Variants in CAPN14 observed in about 807,000 individuals in gnomAD.
The protein encoded by CAPN14 is calpain-14.
Under a neutral mutation model 101.3 loss-of-function variants are expected in CAPN14, and 94 were observed. The observed-to-expected ratio is 0.93, with a 90% CI of 0.79 to 1.10. The LOEUF (loss-of-function observed/expected upper bound fraction) is 1.10. Ranked by LOEUF, CAPN14 falls within the 50% of genes least tolerant of loss-of-function variation. CAPN14 has a pLI of 0.00. For missense variants in CAPN14, 837 were observed against 828.4 expected, an observed-to-expected ratio of 1.01 and a Z score of -0.13; for synonymous variants, 338 against 317.9, an observed-to-expected ratio of 1.06 and a Z score of -0.67.
intron 16 of CAPN14, 113 bp from the exon 17 acceptor site, chr2:31,181,113 C>T (rs915293019): frequency 1.2e-5 from 9 of 781,564 alleles, no homozygotes; most frequent in African/African-American, 1.0e-4. Context: ...CATGTATGTA[C>T]GTGGGCTGGG....
intron 1 of CAPN14, among the ~76,000 whole-genome samples, chr2:31,211,789 A>G (rs1255260196): frequency 6.6e-6 from 1 of 152,148 alleles, no homozygotes; most frequent in African/African-American, 2.4e-5. Context: ...AGACTGTTCT[A>G]TATTTTTGGA....
intron 1 of CAPN14, among the ~76,000 whole-genome samples, 165 bp downstream of exon 1, chr2:31,217,291 A>T (rs1682693976): frequency 6.6e-6 from 1 of 152,072 alleles, no homozygotes; most frequent in Non-Finnish European, 1.5e-5. Flanking sequence ...CTGAGGACAA[A>T]ATTGAAATCT....
chr2:31,191,827 C>A, intron 11 of CAPN14, 108 bp downstream of exon 11: 1 of 1,130,284 alleles, frequency 8.8e-7, no homozygotes, highest in South Asian at 1.7e-5. Flanking sequence ...AAACCCAGGT[C>A]TGTGAACAGA....
At chr2:31,198,349 C>T (rs953666549) in intron 7 of CAPN14, among the ~76,000 whole-genome samples, 4 of 88,888 alleles carry the variant, frequency 4.5e-5, no homozygotes, top group African/African-American at 1.2e-4. Context: ...AAGTATAAAA[C>T]CAAGCTGTTC....
Position 31,176,587 on chromosome 2 carries a change from C to T in CAPN14, c.2028G>A (p.Glu676=). The change falls in exon 21 of 22, where the codon GAG becomes GAA. Residue 676 remains glutamate, a splice_region_variant and synonymous_variant. Coordinates refer to ENST00000403897, the MANE Select transcript of CAPN14 (RefSeq NM_001145122.2). ...GCCACCTCCTTGGGGCAAGTCTTAC[C>T]TCTGGCTTCTGGAGGTATATCCCTT... ...DGKGIYLQKP[E]WMMMALYS 1 of 1,551,534 alleles carries T rather than the reference C, an allele frequency of 6.4e-7. No individual in the cohort carries two copies. Among genetic ancestry groups the T allele is most frequent in the Non-Finnish European group, 8.7e-7 (1 of 1,146,846 alleles).
upstream of CAPN14, among the ~76,000 whole-genome samples, chr2:31,221,039 A>G (rs1354482453): frequency 6.6e-6 from 1 of 152,238 alleles, no homozygotes; most frequent in African/African-American, 2.4e-5. Context: ...TAGCTCATAA[A>G]TGAAAAGTCA....
chr2:31,185,783 T>C (rs1680872597), intron 16 of CAPN14, among the ~76,000 whole-genome samples: 1 of 152,232 alleles, frequency 6.6e-6, no homozygotes, highest in African/African-American at 2.4e-5. Context: ...TCATCTAACT[T>C]TGGCAGCAAA....
intron 16 of CAPN14, among the ~76,000 whole-genome samples, chr2:31,181,403 TTTCTTTC>T (rs1400000888): frequency 3.3e-5 from 2 of 60,586 alleles, no homozygotes; most frequent in Non-Finnish European, 4.5e-5. Context: ...TCTTTTTTTC[TTTCTTTC>T]TTTCTTTCTT....
At chr2:31,193,590 C>T (rs560205157) in intron 9 of CAPN14, among the ~76,000 whole-genome samples, 1 of 152,210 alleles carries the variant, frequency 6.6e-6, no homozygotes, top group Non-Finnish European at 1.5e-5. Context: ...ATGGTGATAG[C>T]AGCTGAATTA....
intron 16 of CAPN14, among the ~76,000 whole-genome samples, chr2:31,181,444 T>TTCCTTC (rs1365744110): frequency 8.1e-6 from 1 of 123,564 alleles, no homozygotes; most frequent in African/African-American, 3.0e-5. Flanking sequence ...CTTTCTTTCT[T>TTCCTTC]TTTCTTTCTT....
chr2:31,211,425 C>T (rs572154725), intron 1 of CAPN14, among the ~76,000 whole-genome samples: 4 of 151,880 alleles, frequency 2.6e-5, no homozygotes, highest in African/African-American at 4.8e-5. Context: ...TACAGAAACT[C>T]GGTGGTATTC....
At chr2:31,175,045 AC>A (rs1281289107) in intron 21 of CAPN14, among the ~76,000 whole-genome samples, 1 of 151,966 alleles carries the variant, frequency 6.6e-6, no homozygotes, top group East Asian at 1.9e-4. Context: ...CATATTCTAC[AC>A]GTTTACATTT....
intron 1 of CAPN14, among the ~76,000 whole-genome samples, chr2:31,227,784 C>T (rs1345777613): frequency 1.3e-5 from 2 of 152,192 alleles, no homozygotes; most frequent in African/African-American, 4.8e-5. Context: ...TACAGCACTG[C>T]GTCAGGCTGA....
intron 7 of CAPN14, 106 bp from the exon 8 acceptor site, chr2:31,197,440 A>T (rs1681523465): frequency 1.4e-6 from 1 of 721,964 alleles, no homozygotes; most frequent in Non-Finnish European, 2.4e-6. Context: ...GGAAAATCAC[A>T]GCCCCAGAGA....
At position 31,201,852 on chromosome 2, in the gene CAPN14, G is replaced by T; in HGVS notation, c.551+10C>A. 2 of 1,549,650 alleles carry T rather than the reference G, an allele frequency of 1.3e-6. No homozygotes were observed. Among genetic ancestry groups the T allele is most frequent in the Non-Finnish European group, 1.7e-6 (2 of 1,145,244 alleles). On this transcript the variant is annotated intron_variant, in intron 5 of 21. Coordinates refer to ENST00000403897, the MANE Select transcript of CAPN14 (RefSeq NM_001145122.2). ...CGATGGGAAGGGGGATATTTCTGCC[G>T]GTTTCTTACTTGGCATAGGCCTTTT...
chr2:31,229,468 T>A (rs1239777232), intron 1 of CAPN14, among the ~76,000 whole-genome samples: 1 of 151,726 alleles, frequency 6.6e-6, no homozygotes, highest in Non-Finnish European at 1.5e-5. Context: ...ACTATCAAAT[T>A]TGAGGAATAA....
chr2:31,211,655 G>C (rs1682407111), intron 1 of CAPN14, among the ~76,000 whole-genome samples: 1 of 123,442 alleles, frequency 8.1e-6, no homozygotes, highest in African/African-American at 3.0e-5. Flanking sequence ...ATTATTAAAT[G>C]AGCACGTGTG....
chr2:31,211,617 G>A (rs1486542675), intron 1 of CAPN14, among the ~76,000 whole-genome samples: 10 of 151,244 alleles, frequency 6.6e-5, no homozygotes, highest in Admixed American at 4.6e-4. Context: ...AATGACCAAT[G>A]AAGTTGTATA....
chr2:31,210,728 A>G (rs1206218668), intron 1 of CAPN14, among the ~76,000 whole-genome samples: 1 of 151,040 alleles, frequency 6.6e-6, no homozygotes, highest in African/African-American at 2.5e-5. Flanking sequence ...TCTATGCTTA[A>G]TTATTTTTCT....
Sources: gnomAD v4.1 joint callset for allele counts (sites outside exome capture counted in the v4.1 genomes callset) on GRCh38, gnomAD v4.1.1 for gene constraint, MANE v1.5 for transcripts, NCBI Gene and HGNC (gene_info 2026-07-23, HGNC 2026-07-21) for gene names.